Variants in RB1CC1 observed in about 807,000 individuals in gnomAD.
RB1CC1 encodes RB1 inducible coiled-coil 1.
Under a neutral mutation model 177.5 loss-of-function variants are expected in RB1CC1, and 46 were observed. The observed-to-expected ratio is 0.26, with a 90% confidence interval of 0.20 to 0.33. The LOEUF is 0.33. RB1CC1 is among the 10% of genes least tolerant of loss of function. The pLI, the probability that RB1CC1 is intolerant of heterozygous loss-of-function variation, is 1.00. For missense variants in RB1CC1, 1,703 were observed against 1,816.3 expected (o/e 0.94, Z 1.13); for synonymous variants, 666 against 613.6 (o/e 1.09, Z -1.26).
At chr8:52,701,905 C>A (rs1480272253) in intron 1 of RB1CC1, among the ~76,000 whole-genome samples, 1 of 152,022 alleles carries the variant, frequency 6.6e-6, no homozygotes, top group Non-Finnish European at 1.5e-5. Flanking sequence ...CTCCCGGGTT[C>A]AAGCAATTCT....
intron 1 of RB1CC1, among the ~76,000 whole-genome samples, chr8:52,702,051 AC>A (rs1180688976): frequency 3.9e-5 from 6 of 151,952 alleles, no homozygotes; most frequent in Admixed American, 3.9e-4. Flanking sequence ...TAGGTGATCC[AC>A]CCACCTCGGC....
intron 22 of RB1CC1, among the ~76,000 whole-genome samples, chr8:52,625,442 G>T (rs1217329572): frequency 1.3e-5 from 2 of 151,988 alleles, no homozygotes; most frequent in Non-Finnish European, 2.9e-5. Context: ...CAAGCCAAGT[G>T]GTACCCATTC....
chr8:52,690,411 C>T (rs1239895705), intron 1 of RB1CC1, among the ~76,000 whole-genome samples: 1 of 152,150 alleles, frequency 6.6e-6, no homozygotes, highest in Admixed American at 6.5e-5. Flanking sequence ...TCATGGAGTT[C>T]AGTCTTGAAG....
intron 18 of RB1CC1, among the ~76,000 whole-genome samples, chr8:52,641,586 G>A (rs769580996): frequency 1.3e-5 from 2 of 152,024 alleles, no homozygotes; most frequent in East Asian, 1.9e-4. Context: ...AGGGGACCAC[G>A]CTGATTCTAT....
chr8:52,674,174 C>A lies in RB1CC1; in HGVS notation c.673G>T (p.Glu225Ter). Residue 225 changes from glutamate (E) to a stop codon, truncating the protein, a stop_gained, in exon 7 of 24, where the codon GAA becomes TAA. Coordinates refer to ENST00000025008, the MANE Select transcript of RB1CC1 (RefSeq NM_014781.5). LOFTEE classifies it high-confidence loss of function. ...ECLGRLDSLP[E>*]HEDSEKAEMK... is the part of the protein sequence containing the mutation. ...TCAGCTTTTTCTGAGTCTTCATGTT[C>A]AGGTAAAGAATCCAGTCTTCCCAAA... 6.2e-7 allele frequency: 1 copy of A among 1,613,350 alleles called. No individual in the cohort carries two copies. The highest frequency in any genetic ancestry group is 1.1e-5 in the South Asian group (1 of 91,042).
At chr8:52,655,526 GA>G (rs1220055997) in intron 15 of RB1CC1, among the ~76,000 whole-genome samples, 1 of 151,968 alleles carries the variant, frequency 6.6e-6, no homozygotes, top group Non-Finnish European at 1.5e-5. Flanking sequence ...AAGCACAGAG[GA>G]AATAACTGAA....
rs1423048447 is a variant in RB1CC1 at position 52,658,081 on chromosome 8, G to C, written c.1837C>G (p.Leu613Val). ...CDFEPLHQHV[L>V]ALHNLVKAAQ... Reference sequence around the variant, plus strand: ...GCTTTTACCAAATTATGTAGAGCAAGTACATGCTGGTGTAGAGGTTCAAAG... The same window carrying C: ...GCTTTTACCAAATTATGTAGAGCAACTACATGCTGGTGTAGAGGTTCAAAG... The change falls in exon 14 of 24, where the codon CTT (leucine) becomes GTT (valine). Residue 613 changes from leucine to valine, a missense_variant. Physicochemically the swap from Leu to Val is conservative, Grantham distance 32. Around this residue, in one of 6 missense-constraint regions of RB1CC1, gnomAD observed 1,169 missense variants for 1,184.7 expected, o/e 0.99. Coordinates refer to ENST00000025008, the MANE Select transcript of RB1CC1 (RefSeq NM_014781.5). 2 of 1,613,798 alleles carry C rather than the reference G, an allele frequency of 1.2e-6. No individual in the cohort carries two copies. Among genetic ancestry groups the C allele is most frequent in the Non-Finnish European group, 1.7e-6 (2 of 1,179,930 alleles).
intron 16 of RB1CC1, 67 bp downstream of exon 16, chr8:52,645,635 A>G: frequency 6.7e-7 from 1 of 1,495,754 alleles, no homozygotes. Context: ...TACATAAAGA[A>G]ATTATATTTG....
At chr8:52,644,893 C>T (rs1313302584) in intron 16 of RB1CC1, among the ~76,000 whole-genome samples, 1 of 152,128 alleles carries the variant, frequency 6.6e-6, no homozygotes, top group Non-Finnish European at 1.5e-5. Context: ...AATGTATACC[C>T]CAAACTGCAA....
rs545569170 is a variant in RB1CC1, at chr8:52,705,173, C to T, written c.-167+8902G>A. 2.0e-4 allele frequency among the ~76,000 whole-genome samples: 30 copies of T among 152,268 alleles called. 1 individual carries two copies. In the South Asian group the frequency reaches 6.2e-3, roughly 32 times the overall value. ...CGGTAGTTAACAAGTTAGTAGGAAT[C>T]ATGATGCATTAATAAACATAATGCA... is the stretch of plus-strand genomic sequence containing the variant. On this transcript the variant is annotated intron_variant, in intron 1 of 23. Coordinates refer to ENST00000025008, the MANE Select transcript of RB1CC1 (RefSeq NM_014781.5).
chr8:52,707,432 C>CTTTT (rs386412758), intron 1 of RB1CC1, among the ~76,000 whole-genome samples: 28 of 128,824 alleles, frequency 2.2e-4, no homozygotes, highest in African/African-American at 3.5e-4. Flanking sequence ...TTCTTTCTTT[C>CTTTT]TTTTTTTTTT....
chr8:52,623,771 T>A lies in RB1CC1; in HGVS notation c.*11A>T, dbSNP rs1367636475. ...AAAAATGTCATAGAATGTATTAATT[T>A]TGTCCATAAGTTATACTTTCTTATT... On this transcript the variant is annotated 3_prime_UTR_variant, in exon 24 of 24. Transcript: ENST00000025008. 11 of 1,564,968 alleles carry A rather than the reference T, an allele frequency of 7.0e-6. No homozygotes were observed. Among genetic ancestry groups the A allele is most frequent in the Non-Finnish European group, 9.7e-6 (11 of 1,136,062 alleles).
At chr8:52,638,099 AT>A (rs1849289437) in intron 18 of RB1CC1, among the ~76,000 whole-genome samples, 1 of 152,200 alleles carries the variant, frequency 6.6e-6, no homozygotes, top group Non-Finnish European at 1.5e-5. Context: ...GTCTTACACC[AT>A]TGAGTATGAT....
intron 21 of RB1CC1, among the ~76,000 whole-genome samples, chr8:52,628,588 G>A (rs1011824069): frequency 1.3e-5 from 2 of 152,120 alleles, no homozygotes; most frequent in East Asian, 1.9e-4. Context: ...CAAGCGTAGT[G>A]CTCTTCAATT....
chr8:52,649,301 TA>T, intron 15 of RB1CC1, among the ~76,000 whole-genome samples: 1 of 152,312 alleles, frequency 6.6e-6, no homozygotes, highest in Middle Eastern at 3.4e-3. Context: ...ATACATTTGT[TA>T]CCAGCTGGGA....
At chr8:52,707,131 G>T (rs562563453) in intron 1 of RB1CC1, among the ~76,000 whole-genome samples, 1 of 152,316 alleles carries the variant, frequency 6.6e-6, no homozygotes, top group South Asian at 2.1e-4. Context: ...TCACAGGGTT[G>T]TGGTCAGGAT....
At chr8:52,628,274 T>C (rs549708410) in intron 21 of RB1CC1, 106 bp from the exon 22 acceptor site, 2 of 1,132,172 alleles carry the variant, frequency 1.8e-6, no homozygotes, top group South Asian at 1.5e-5. Context: ...AAGATATTAA[T>C]GCAATATTAA....
intron 1 of RB1CC1, among the ~76,000 whole-genome samples, chr8:52,711,143 A>G (rs776084104): frequency 6.6e-6 from 1 of 152,216 alleles, no homozygotes; most frequent in Non-Finnish European, 1.5e-5. Context: ...GTTATTCCAC[A>G]ATCCTCAAAG....
At chr8:52,633,255 G>C (rs910679885) in intron 20 of RB1CC1, among the ~76,000 whole-genome samples, 3 of 152,164 alleles carry the variant, frequency 2.0e-5, no homozygotes, top group African/African-American at 7.2e-5. Flanking sequence ...AATTGATTGA[G>C]ACCTGTCTCA....
Sources: gnomAD v4.1 joint callset for allele counts (sites outside exome capture counted in the v4.1 genomes callset) on GRCh38, gnomAD v4.1.1 for gene constraint, gnomAD v4.1.1 regional missense constraint, MANE v1.5 for transcripts, NCBI Gene and HGNC (gene_info 2026-07-23, HGNC 2026-07-21) for gene names.